The following MEGF10 variants were observed in gnomAD, a reference collection of about 807,000 sequenced individuals.
MEGF10 encodes the protein multiple EGF like domains 10, also known as multiple epidermal growth factor-like domains protein 10.
MEGF10 carries 86 observed loss-of-function variants against 147.5 expected under a neutral mutation model. That is an observed-to-expected ratio of 0.58 (90% CI 0.49 to 0.70). The LOEUF (loss-of-function observed/expected upper bound fraction) is 0.70. Among genes scored for constraint, MEGF10 ranks in the 30% least tolerant of loss-of-function variants. The pLI is 0.00. For synonymous variants in MEGF10, 478 were observed against 525.5 expected, an observed-to-expected ratio of 0.91 and a Z score of 1.24; for missense variants, 1,329 against 1,487.3, an observed-to-expected ratio of 0.89 and a Z score of 1.75.
In MEGF10 at chr5:127,445,377, G is replaced by C. The variant is rs182272686; in HGVS notation, c.2492-80G>C. 9.8e-6 allele frequency: 10 copies of C among 1,024,728 alleles called. No homozygotes were observed. In the African/African-American group the frequency reaches 1.6e-4, roughly 16 times the overall value. The allele number at this position is 1,024,728 out of a possible 1,614,324, so 63.5% of individuals were successfully genotyped here. ...CTGAAAATATGCAGGCATTAGCACA[G>C]AAGGAGGTTTTTGTAAGTAGAGATC... On this transcript the variant is annotated intron_variant, in intron 19 of 24. Transcript: ENST00000503335.
At chr5:127,404,264 C>T (rs1764242200) in intron 8 of MEGF10, among the ~76,000 whole-genome samples, 1 of 152,024 alleles carries the variant, frequency 6.6e-6, no homozygotes, top group East Asian at 1.9e-4. Flanking sequence ...TGTATGTCTT[C>T]TTTCAAGAAA....
chr5:127,434,573 A>G, intron 14 of MEGF10, 114 bp from the exon 15 acceptor site: 1 of 1,129,462 alleles, frequency 8.9e-7, no homozygotes, highest in South Asian at 2.0e-5. Context: ...TATCTTTTTT[A>G]CTTTTTTTTA....
intron 1 of MEGF10, among the ~76,000 whole-genome samples, chr5:127,325,319 G>A (rs998580069): frequency 1.3e-5 from 2 of 152,156 alleles, no homozygotes; most frequent in African/African-American, 2.4e-5. Context: ...GGCAGAGACT[G>A]TGCTTTACAA....
chr5:127,330,799 C>T (rs1260027164), intron 1 of MEGF10, among the ~76,000 whole-genome samples: 16 of 152,164 alleles, frequency 1.1e-4, no homozygotes, highest in Admixed American at 1.0e-3. Context: ...ATGGAGCAGG[C>T]ATTCAGTGCA....
chr5:127,442,003 C>T (rs1390950265), intron 18 of MEGF10, among the ~76,000 whole-genome samples: 1 of 152,188 alleles, frequency 6.6e-6, no homozygotes, highest in Non-Finnish European at 1.5e-5. Flanking sequence ...GAAAACAGAT[C>T]CTGACTGAGT....
chr5:127,407,553 G>A (rs77893824), intron 8 of MEGF10, among the ~76,000 whole-genome samples: 3,151 of 152,166 alleles, frequency 0.021, 57 homozygotes, highest in Middle Eastern at 0.085. Flanking sequence ...TAAAAAAATT[G>A]GAAACCCCAA....
rs150309123 is a variant in MEGF10 at position 127,396,931 on chromosome 5, A to C, written c.659+153A>C. Among the ~76,000 whole-genome samples the C allele has an allele frequency of 3.3e-3, 499 of 152,334 alleles. 3 individuals carry two copies. The highest frequency in any genetic ancestry group is 0.012 in the African/African-American group (484 of 41,572). On this transcript the variant is annotated intron_variant, in intron 6 of 24. Transcript: ENST00000503335. ...TGCAGGCACAGTTATAGAGGTCAGC[A>C]GTGATGGCCACTAGGTGCTGCTGCT...
chr5:127,384,805 A>G (rs1763372018), intron 5 of MEGF10, among the ~76,000 whole-genome samples: 1 of 152,220 alleles, frequency 6.6e-6, no homozygotes, highest in Admixed American at 6.5e-5. Flanking sequence ...TCTGGAAAAT[A>G]CATTTTTATT....
intron 5 of MEGF10, among the ~76,000 whole-genome samples, chr5:127,380,541 G>A (rs1219049962): frequency 6.8e-6 from 1 of 147,382 alleles, no homozygotes; most frequent in Non-Finnish European, 1.5e-5. Flanking sequence ...TTTTTGAGAT[G>A]GAGTCTCGCA....
chr5:127,308,704 A>G (rs2546802), intron 1 of MEGF10, among the ~76,000 whole-genome samples: 96,069 of 145,762 alleles, frequency 0.66, 31,887 homozygotes, highest in Middle Eastern at 0.79. Flanking sequence ...CACACACCAG[A>G]GCCTGTTGTG....
At chr5:127,377,042 T>C (rs1440921765) in intron 5 of MEGF10, among the ~76,000 whole-genome samples, 1 of 152,176 alleles carries the variant, frequency 6.6e-6, no homozygotes, top group Non-Finnish European at 1.5e-5. Flanking sequence ...TGAGGGCCCA[T>C]TAATACTAGA....
chr5:127,344,646 T>A (rs1034847817), intron 4 of MEGF10, among the ~76,000 whole-genome samples: 1 of 152,158 alleles, frequency 6.6e-6, no homozygotes, highest in Non-Finnish European at 1.5e-5. Context: ...TATTAAATAA[T>A]TTCGACTTGA....
At chr5:127,375,538 A>C (rs955214292) in intron 5 of MEGF10, among the ~76,000 whole-genome samples, 1 of 152,170 alleles carries the variant, frequency 6.6e-6, no homozygotes, top group East Asian at 1.9e-4. Flanking sequence ...TAAAAAGCAC[A>C]CATGTGTTTT....
At chr5:127,315,165 C>T (rs1038955081) in intron 1 of MEGF10, among the ~76,000 whole-genome samples, 5 of 152,106 alleles carry the variant, frequency 3.3e-5, no homozygotes, top group Admixed American at 6.6e-5. Context: ...AGTTCAAAAA[C>T]CTTTAGCTTC....
chr5:127,229,792 G>C, the MEGF10 span: 3 of 152,038 alleles, frequency 2.0e-5, no homozygotes, highest in Non-Finnish European at 4.4e-5. Context: ...CAGGCTACGC[G>C]GGAGGTGGAG....
chr5:127,261,784 A>C, the MEGF10 span, among the ~76,000 whole-genome samples: 1 of 152,126 alleles, frequency 6.6e-6, no homozygotes, highest in Non-Finnish European at 1.5e-5. Context: ...TTTTTAAAAA[A>C]ATTTTATTAT....
At chr5:127,341,585 G>A (rs564774752) in intron 4 of MEGF10, among the ~76,000 whole-genome samples, 4 of 152,208 alleles carry the variant, frequency 2.6e-5, no homozygotes, top group Non-Finnish European at 4.4e-5. Context: ...TACATATCTC[G>A]TCTTTCTTCC....
intron 5 of MEGF10, among the ~76,000 whole-genome samples, chr5:127,391,409 C>T (rs182363930): frequency 2.0e-5 from 3 of 151,936 alleles, no homozygotes; most frequent in Admixed American, 2.0e-4. Context: ...AACCTCATCT[C>T]TACCAAAAAT....
At chr5:127,432,219 A>T (rs1405100155) in intron 13 of MEGF10, among the ~76,000 whole-genome samples, 3 of 152,212 alleles carry the variant, frequency 2.0e-5, no homozygotes, top group Non-Finnish European at 4.4e-5. Flanking sequence ...AACAGTAAAA[A>T]GTGGATCTTC....
Sources: allele counts gnomAD v4.1 joint callset (sites outside exome capture counted in the v4.1 genomes callset), GRCh38; gene constraint gnomAD v4.1.1; transcripts MANE v1.5; gene names NCBI Gene and HGNC (gene_info 2026-07-23, HGNC 2026-07-21).